Variants in PITPNM3 observed in about 807,000 individuals in gnomAD.
The protein encoded by PITPNM3 is PITPNM family member 3, also known as membrane-associated phosphatidylinositol transfer protein 3.
A neutral mutation model predicts 102.0 loss-of-function variants in PITPNM3; 26 were observed. The ratio of observed to expected loss-of-function variants is 0.25; its 90% CI spans 0.19 to 0.35. PITPNM3 has a LOEUF of 0.35. Among genes scored for constraint, PITPNM3 ranks in the 10% least tolerant of loss-of-function variants. PITPNM3 has a pLI of 1.00. For missense variants in PITPNM3, 1,083 were observed against 1,346.1 expected (o/e 0.80, Z 3.06); for synonymous variants, 578 against 558.6 (o/e 1.03, Z -0.49).
chr17:6,467,297 G>A (rs956577532), intron 14 of PITPNM3, among the ~76,000 whole-genome samples: 1 of 152,158 alleles, frequency 6.6e-6, no homozygotes, highest in African/African-American at 2.4e-5. Flanking sequence ...GAAATGAAAT[G>A]TCCAGAATAG....
At chr17:6,504,019 C>T (rs935540541) in intron 3 of PITPNM3, among the ~76,000 whole-genome samples, 1 of 152,278 alleles carries the variant, frequency 6.6e-6, no homozygotes, top group East Asian at 1.9e-4. Flanking sequence ...CACTGCCCCC[C>T]AGACGTCTTC....
chr17:6,464,644 G>T lies in PITPNM3; in HGVS notation c.2007+11C>A. The T allele has an allele frequency of 6.2e-7, 1 of 1,610,746 alleles. No homozygotes were observed. The highest frequency in any genetic ancestry group is 8.5e-7 in the Non-Finnish European group (1 of 1,177,250). ...GGAGTGGCTGAGGAGGGGAGGCCCAGCCCCAGGTACCTTCTCTCCAGTCAG... is the reference window on the plus strand; with the variant it reads ...GGAGTGGCTGAGGAGGGGAGGCCCATCCCCAGGTACCTTCTCTCCAGTCAG... On this transcript the variant is annotated intron_variant, in intron 15 of 19. Transcript: ENST00000262483.
chr17:6,529,851 G>A (rs568245908), intron 2 of PITPNM3, among the ~76,000 whole-genome samples: 100 of 151,814 alleles, frequency 6.6e-4, no homozygotes, highest in African/African-American at 2.3e-3. Context: ...TCTTCCTTGT[G>A]AGGGGCAGTC....
rs959520460 is a variant in PITPNM3, at chr17:6,454,156, G to A, written c.*1182C>T. The A allele has an allele frequency of 6.6e-6, 1 of 152,284 alleles. No individual in the cohort carries two copies. Among genetic ancestry groups the A allele is most frequent in the African/African-American group, 2.4e-5 (1 of 41,466 alleles). 9.4% of individuals were successfully genotyped at this position (152,284 alleles called of 1,614,324 possible). The stretch of plus-strand genomic sequence containing the variant: ...GCTCTATGCCTCTGGGAGCCAAAAA[G>A]GATAAAAGGGTCCTGGCAGAGCTGG... On this transcript the variant is annotated 3_prime_UTR_variant, in exon 20 of 20. Coordinates refer to ENST00000262483, the MANE Select transcript of PITPNM3 (RefSeq NM_031220.4).
At chr17:6,474,108 A>AG (rs1905187261) in intron 10 of PITPNM3, among the ~76,000 whole-genome samples, 1 of 151,426 alleles carries the variant, frequency 6.6e-6, no homozygotes, top group African/African-American at 2.4e-5. Flanking sequence ...GGAGAAGGAG[A>AG]GGGTGGGAGG....
At position 6,455,209 on chromosome 17, in the gene PITPNM3, A is replaced by C; in HGVS notation, c.*129T>G. 8 of 1,228,948 alleles carry C rather than the reference A, an allele frequency of 6.5e-6. No individual in the cohort carries two copies. The highest frequency in any genetic ancestry group is 7.7e-6 in the Non-Finnish European group (7 of 914,382). The allele number at this position is 1,228,948 out of a possible 1,614,324, so 76.1% of individuals were successfully genotyped here. ...CAGGATCCCTCCCCGCTCTGGTCGG[A>C]CACTGCTGGACAGACACGGGAGGGA... On this transcript the variant is annotated 3_prime_UTR_variant, in exon 20 of 20. Coordinates refer to ENST00000262483, the MANE Select transcript of PITPNM3 (RefSeq NM_031220.4).
chr17:6,549,797 C>A (rs563388411), intron 1 of PITPNM3, among the ~76,000 whole-genome samples: 2 of 152,318 alleles, frequency 1.3e-5, no homozygotes, highest in African/African-American at 4.8e-5. Flanking sequence ...TCTCCTCCCC[C>A]CTCCCACACC....
At position 6,469,455 on chromosome 17, in the gene PITPNM3, C is replaced by T. The variant is rs746477847; in HGVS notation, c.1773+805G>A. Among the ~76,000 whole-genome samples, 5 of 152,108 alleles carry T rather than the reference C, an allele frequency of 3.3e-5. No homozygotes were observed. The highest frequency in any genetic ancestry group is 1.2e-4 in the African/African-American group (5 of 41,404). Reference sequence around the variant, plus strand: ...AAACAAAACTCACTTTCCTCCGCCCCCTGCCCAGCCCTGCTCTTCCGCACG... The same window carrying T: ...AAACAAAACTCACTTTCCTCCGCCCTCTGCCCAGCCCTGCTCTTCCGCACG... On this transcript the variant is annotated intron_variant, in intron 13 of 19. Transcript: ENST00000262483. The surrounding 1 kb of genome is among the most constrained non-coding windows in gnomAD (Gnocchi z 4.0).
At chr17:6,512,483 T>G (rs565393742) in intron 3 of PITPNM3, among the ~76,000 whole-genome samples, 26 of 152,298 alleles carry the variant, frequency 1.7e-4, no homozygotes, top group South Asian at 1.0e-3. Context: ...CTCTCAAATT[T>G]TAGTGCATCG....
rs202241183 is a variant in PITPNM3, at chr17:6,483,664, G to A, written c.440C>T (p.Pro147Leu). Residue 147 changes from proline to leucine, a missense_variant, in exon 6 of 20, where the codon CCG (proline) becomes CTG (leucine). Around this residue, in one of 5 missense-constraint regions of PITPNM3, gnomAD observed 290 missense variants for 337.8 expected, o/e 0.86. Transcript: ENST00000262483. ...GTGGATGTCGGCTGCCTTGCAGGAC[G>A]GGTCCCCGGCACCCGTGTCCAGGAT... is the stretch of plus-strand genomic sequence containing the variant. ...GNILDTGAGD[P>L]SCKAADIHTF... 18 of 1,612,346 alleles carry A rather than the reference G, an allele frequency of 1.1e-5. No individual in the cohort carries two copies. The East Asian group carries it at 2.5e-4, about 22-fold the overall frequency.
At position 6,451,968 on chromosome 17, in the gene PITPNM3, G is replaced by C. The variant is rs962362741; in HGVS notation, c.*3370C>G. ...CTCCCGGGGCTGCACCTGGGCTAGG[G>C]GGGAGAGTGAGGATGCAGAGGACCC... is the stretch of plus-strand genomic sequence containing the variant. On this transcript the variant is annotated 3_prime_UTR_variant, in exon 20 of 20. Transcript: ENST00000262483. The C allele has an allele frequency of 2.6e-5, 4 of 151,546 alleles. No homozygotes were observed. Among genetic ancestry groups the C allele is most frequent in the African/African-American group, 9.7e-5 (4 of 41,186 alleles). 9.4% of individuals were successfully genotyped at this position (151,546 alleles called of 1,614,324 possible).
At chr17:6,533,170 C>G (rs986768671) in intron 2 of PITPNM3, among the ~76,000 whole-genome samples, 1 of 152,058 alleles carries the variant, frequency 6.6e-6, no homozygotes, top group Non-Finnish European at 1.5e-5. Context: ...CCATGTTGAT[C>G]AGGCTGGTCT....
rs1416000302 is a variant in PITPNM3, at chr17:6,459,081, C to A, written c.2491-1359G>T. 6.6e-6 allele frequency among the ~76,000 whole-genome samples: 1 copy of A among 152,174 alleles called. No homozygotes were observed. Among genetic ancestry groups the A allele is most frequent in the African/African-American group, 2.4e-5 (1 of 41,428 alleles). On this transcript the variant is annotated intron_variant, in intron 18 of 19. Transcript: ENST00000262483. This position sits in a 1 kb window ranked among gnomAD's most constrained non-coding sequence, Gnocchi z 5.0. ...AGCCCCTCTTCGTCTGGCCCTTCCA[C>A]CTTCTCATTCACCTGAGCTCACTCC...
At chr17:6,508,013 G>A in intron 3 of PITPNM3, among the ~76,000 whole-genome samples, 1 of 151,932 alleles carries the variant, frequency 6.6e-6, no homozygotes, top group Non-Finnish European at 1.5e-5. Flanking sequence ...TGGGAATGCT[G>A]GGGATGCAGC....
In PITPNM3 at chr17:6,503,500, G is replaced by C. The variant is rs118178309; in HGVS notation, c.274+27C>G. ...TTGCACCCATCCAAGGGGAAGAAAT[G>C]ACCCCACAGGGTCAGGCTTGACTCA... On this transcript the variant is annotated intron_variant, in intron 4 of 19. Transcript: ENST00000262483. The C allele has an allele frequency of 1.8e-3, 2,945 of 1,611,462 alleles. 2 individuals are homozygous for C. The highest frequency in any genetic ancestry group is 1.9e-3 in the Non-Finnish European group (2,261 of 1,179,152).
In PITPNM3 at chr17:6,514,309, C is replaced by CAA. The variant is rs56804713; in HGVS notation, c.227-10737_227-10736dup. Among the ~76,000 whole-genome samples, 205 of 146,210 alleles carry CAA rather than the reference C, an allele frequency of 1.4e-3. 1 individual carries two copies. The highest frequency in any genetic ancestry group is 0.01 in the East Asian group (52 of 5,026). On this transcript the variant is annotated intron_variant, in intron 3 of 19. Transcript: ENST00000262483. Reference sequence around the variant, plus strand: ...GATTTAGTACTCCAAAAGACATTATCAAAAAAAAAAAGTATAAAGACAACC... The same window carrying CAA: ...GATTTAGTACTCCAAAAGACATTATCAAAAAAAAAAAAAGTATAAAGACAACC...
In PITPNM3 at chr17:6,471,315, G is replaced by A; in HGVS notation, c.1470C>T (p.Gly490=). 4 of 1,608,738 alleles carry A rather than the reference G, an allele frequency of 2.5e-6. No homozygotes were observed. Among genetic ancestry groups the A allele is most frequent in the Non-Finnish European group, 3.4e-6 (4 of 1,178,326 alleles). ...LHTHSPLFLE[G]SSRDSPPLLD... ...GAAGTGGCGGGCTGTCCCGGGAGCTGCCCTCCAGGAAGAGGGGGCTGTGGG... is the reference window on the plus strand; with the variant it reads ...GAAGTGGCGGGCTGTCCCGGGAGCTACCCTCCAGGAAGAGGGGGCTGTGGG... Residue 490 remains glycine, a synonymous_variant, in exon 12 of 20, where the codon GGC becomes GGT. Coordinates refer to ENST00000262483, the MANE Select transcript of PITPNM3 (RefSeq NM_031220.4).
Position 6,468,268 on chromosome 17 carries a change from G to T in PITPNM3, c.1847C>A (p.Pro616His). Residue 616 changes from proline (P) to histidine (H), a missense_variant, in exon 14 of 20, where the codon CCC becomes CAC. Physicochemically the swap from Pro to His is moderately conservative, Grantham distance 77 (BLOSUM62 -2). Transcript: ENST00000262483. The surrounding 1 kb of genome is among the most constrained non-coding windows in gnomAD (Gnocchi z 5.2). ...CCGCTTACGAAGCCACTTCTCCCGG[G>T]GGTTGGCAGGACTCAGTGCTGCAGG... ...LDPAALSPAN[P>H]REKWLRKRTQ... 1 of 1,613,868 alleles carries T rather than the reference G, an allele frequency of 6.2e-7. No individual in the cohort carries two copies. The highest frequency in any genetic ancestry group is 8.5e-7 in the Non-Finnish European group (1 of 1,180,026).
chr17:6,507,475 T>G (rs1336648975), intron 3 of PITPNM3, among the ~76,000 whole-genome samples: 2 of 151,606 alleles, frequency 1.3e-5, no homozygotes, highest in African/African-American at 4.9e-5. Context: ...TCCCAGCTAC[T>G]AGGGAGGCTG....
Sources: gnomAD v4.1 joint callset for allele counts (sites outside exome capture counted in the v4.1 genomes callset) on GRCh38, gnomAD v4.1.1 for gene constraint, gnomAD v4.1.1 regional missense constraint, Gnocchi (gnomAD v3.1) non-coding constraint, MANE v1.5 for transcripts, NCBI Gene and HGNC (gene_info 2026-07-23, HGNC 2026-07-21) for gene names.